NRXN1: variants seen among roughly 807,000 people sequenced by gnomAD.
NRXN1 encodes the protein neurexin-1.
NRXN1 carries 39 observed loss-of-function variants against 150.9 expected under a neutral mutation model. The ratio of observed to expected loss-of-function variants is 0.26; its 90% CI spans 0.20 to 0.34. The LOEUF (loss-of-function observed/expected upper bound fraction) is 0.34, where lower values mean the gene tolerates loss of function less well. NRXN1 is among the 10% of genes least tolerant of loss of function. The pLI, the probability that NRXN1 is intolerant of heterozygous loss-of-function variation, is 1.00. For synonymous variants in NRXN1, 924 were observed against 757.0 expected, an observed-to-expected ratio of 1.22 and a Z score of -3.62; for missense variants, 1,815 against 1,949.9, an observed-to-expected ratio of 0.93 and a Z score of 1.30.
rs1697899526 is a variant in NRXN1, at chr2:50,081,114, A to G, written c.3718+10209T>C. On this transcript the variant is annotated intron_variant, in intron 19 of 22. Coordinates refer to ENST00000401669, the MANE Select transcript of NRXN1 (RefSeq NM_001330078.2). Reference sequence around the variant, plus strand: ...TCCTATGGAGGCAGAGATTCAAAGGAAGTTAAGAAAAACTGATCTAGATTA... The same window carrying G: ...TCCTATGGAGGCAGAGATTCAAAGGGAGTTAAGAAAAACTGATCTAGATTA... 3.9e-5 allele frequency among the ~76,000 whole-genome samples: 6 copies of G among 152,320 alleles called. 1 individual carries two copies. In the South Asian group the frequency reaches 1.2e-3, roughly 32 times the overall value.
intron 8 of NRXN1, among the ~76,000 whole-genome samples, chr2:50,617,763 G>T (rs989809482): frequency 2.6e-5 from 4 of 152,006 alleles, no homozygotes; most frequent in Admixed American, 6.6e-5. Context: ...TGGTTTTTCT[G>T]GTTAAAAGGC....
chr2:50,737,561 T>C (rs141830847), intron 5 of NRXN1, among the ~76,000 whole-genome samples: 4 of 152,314 alleles, frequency 2.6e-5, no homozygotes, highest in African/African-American at 7.2e-5. Context: ...GTGACCTCTA[T>C]GCTGCATAGC....
intron 12 of NRXN1, among the ~76,000 whole-genome samples, chr2:50,510,485 C>CAAAAAAAAAAAAAAAAAAAAAAAAAAAAA: frequency 2.5e-5 from 1 of 39,686 alleles, no homozygotes; most frequent in Non-Finnish European, 4.2e-5. Context: ...GACTCCATCT[C>CAAAAAAAAAAAAAAAAAAAAAAAAAAAAA]AAAAAAAAAA....
At chr2:51,031,776 T>C (rs1305150112) in intron 1 of NRXN1, among the ~76,000 whole-genome samples, 1 of 152,084 alleles carries the variant, frequency 6.6e-6, no homozygotes, top group Non-Finnish European at 1.5e-5. Flanking sequence ...TTTAAGTTAC[T>C]ACCCCAGTTC....
chr2:50,817,235 A>G (rs1669064990), intron 5 of NRXN1, among the ~76,000 whole-genome samples: 1 of 152,142 alleles, frequency 6.6e-6, no homozygotes. Context: ...GTGAATAATT[A>G]TACATCAATA....
At chr2:50,261,759 T>C (rs549818370) in intron 17 of NRXN1, among the ~76,000 whole-genome samples, 239 of 152,024 alleles carry the variant, frequency 1.6e-3, no homozygotes, top group African/African-American at 5.5e-3. Flanking sequence ...ATCAGAGCAG[T>C]GTCTACACTC....
intron 16 of NRXN1, among the ~76,000 whole-genome samples, chr2:50,467,456 T>A (rs1441676131): frequency 6.6e-6 from 1 of 151,648 alleles, no homozygotes; most frequent in East Asian, 1.9e-4. Flanking sequence ...CCTGCTTTAG[T>A]GAATAAATTA....
chr2:50,657,791 G>T (rs939946085), intron 5 of NRXN1, among the ~76,000 whole-genome samples: 2 of 152,014 alleles, frequency 1.3e-5, no homozygotes. Context: ...AGGATAATCT[G>T]TTGACCCTTA....
At chr2:50,187,530 C>A (rs1027811826) in intron 18 of NRXN1, among the ~76,000 whole-genome samples, 6 of 152,026 alleles carry the variant, frequency 3.9e-5, no homozygotes, top group African/African-American at 1.2e-4. Flanking sequence ...CATGATGCCT[C>A]CAGCTTTGTT....
intron 17 of NRXN1, among the ~76,000 whole-genome samples, chr2:50,271,259 A>G (rs564775573): frequency 6.6e-6 from 1 of 152,312 alleles, no homozygotes; most frequent in South Asian, 2.1e-4. Flanking sequence ...AATAATGGAA[A>G]GTATCATGAT....
chr2:50,200,814 C>A (rs999617295), intron 18 of NRXN1, among the ~76,000 whole-genome samples: 2 of 152,100 alleles, frequency 1.3e-5, no homozygotes, highest in Non-Finnish European at 2.9e-5. Context: ...TTCCTAAGAA[C>A]CTTCTGGAAC....
At chr2:50,693,766 CT>C (rs1265177490) in intron 5 of NRXN1, among the ~76,000 whole-genome samples, 5 of 152,074 alleles carry the variant, frequency 3.3e-5, no homozygotes, top group African/African-American at 7.2e-5. Flanking sequence ...CTAAAGTATA[CT>C]TCATAGCATT....
At chr2:50,587,204 G>T (rs1279793152) in intron 8 of NRXN1, among the ~76,000 whole-genome samples, 1 of 152,298 alleles carries the variant, frequency 6.6e-6, no homozygotes, top group South Asian at 2.1e-4. Flanking sequence ...CCCTGTTTTG[G>T]CCAGGCATGG....
intron 21 of NRXN1, among the ~76,000 whole-genome samples, chr2:50,009,220 T>C (rs1481410034): frequency 6.6e-6 from 1 of 152,128 alleles, no homozygotes; most frequent in African/African-American, 2.4e-5. Context: ...TGATCCCTTG[T>C]CATGAATGGA....
chr2:50,000,072 T>C (rs1000537408), intron 21 of NRXN1, among the ~76,000 whole-genome samples: 1 of 152,170 alleles, frequency 6.6e-6, no homozygotes, highest in African/African-American at 2.4e-5. Flanking sequence ...AATCCACAGC[T>C]TTCCTGCACC....
intron 18 of NRXN1, among the ~76,000 whole-genome samples, chr2:50,220,482 A>T (rs2063800677): frequency 1.3e-5 from 2 of 151,958 alleles, no homozygotes; most frequent in African/African-American, 4.8e-5. Context: ...GCATTAGAAC[A>T]TTCCATGGGA....
intron 2 of NRXN1, among the ~76,000 whole-genome samples, chr2:50,970,027 A>T (rs1694758578): frequency 6.6e-6 from 1 of 152,144 alleles, no homozygotes; most frequent in African/African-American, 2.4e-5. Flanking sequence ...TGGCCTCTTT[A>T]AGCCTGCATT....
intron 18 of NRXN1, among the ~76,000 whole-genome samples, chr2:50,193,740 G>C (rs2061583742): frequency 6.6e-6 from 1 of 151,992 alleles, no homozygotes. Flanking sequence ...ATAGAAAAAT[G>C]GGGTCAATTA....
chr2:49,967,212 G>A (rs1182157770), intron 21 of NRXN1, among the ~76,000 whole-genome samples: 1 of 151,750 alleles, frequency 6.6e-6, no homozygotes, highest in Non-Finnish European at 1.5e-5. Flanking sequence ...GATATACAAC[G>A]GTTATATGAC....
Sources: allele counts gnomAD v4.1 joint callset (sites outside exome capture counted in the v4.1 genomes callset), GRCh38; gene constraint gnomAD v4.1.1; transcripts MANE v1.5; gene names NCBI Gene and HGNC (gene_info 2026-07-23, HGNC 2026-07-21).